The following REG1A variants were observed in gnomAD, a reference collection of about 807,000 sequenced individuals.
REG1A encodes regenerating family member 1 alpha.
A neutral mutation model predicts 20.7 loss-of-function variants in REG1A; 20 were observed. The observed-to-expected ratio is 0.97, with a 90% CI of 0.68 to 1.41. The LOEUF is 1.41. Among genes scored for constraint, REG1A ranks in the 40% most tolerant of loss-of-function variants. REG1A has a pLI of 0.00. For synonymous variants in REG1A, 90 were observed against 71.6 expected (o/e 1.26, Z -1.30); for missense variants, 193 against 201.8 (o/e 0.96, Z 0.26).
Position 79,120,853 on chromosome 2 carries a change from C to T in REG1A, c.-9C>T, listed in dbSNP as rs778995549. ...TGCCTCTTAAGCAAGAGATTCATTG[C>T]AGCTCAGCATGGCTCAGACCAGCTC... On this transcript the variant is annotated 5_prime_UTR_variant, in exon 2 of 6. Transcript: ENST00000233735. The T allele has an allele frequency of 6.3e-7, 1 of 1,599,790 alleles. No homozygotes were observed. The highest frequency in any genetic ancestry group is 8.5e-7 in the Non-Finnish European group (1 of 1,170,710).
At chr2:79,121,942 T>G (rs1441966517) in intron 3 of REG1A, 46 bp from the exon 4 acceptor site, 3 of 1,607,268 alleles carry the variant, frequency 1.9e-6, no homozygotes, top group Non-Finnish European at 2.5e-6. Flanking sequence ...AGTATATCCG[T>G]CACAACTTCC....
intron 4 of REG1A, 140 bp downstream of exon 4, chr2:79,122,265 C>G: frequency 2.4e-6 from 2 of 825,718 alleles, no homozygotes; most frequent in Non-Finnish European, 3.7e-6. Context: ...TCCTGTGTAG[C>G]AAGGTGCACT....
intron 4 of REG1A, 140 bp downstream of exon 4, chr2:79,122,265 C>A: frequency 2.4e-6 from 2 of 825,716 alleles, no homozygotes; most frequent in Non-Finnish European, 3.7e-6. Flanking sequence ...TCCTGTGTAG[C>A]AAGGTGCACT....
At chr2:79,121,004 A>C in intron 2 of REG1A, 79 bp downstream of exon 2, 1 of 5,096 alleles carries the variant, frequency 2.0e-4, no homozygotes, top group Non-Finnish European at 2.9e-4. Flanking sequence ...GGTCTACTTG[A>C]AAAAAAAAAA....
In REG1A at chr2:79,122,941, C is replaced by T. The variant is rs760036962; in HGVS notation, c.422C>T (p.Thr141Ile). Residue 141 changes from threonine (T) to isoleucine (I), a missense_variant, in exon 5 of 6, where the codon ACC (threonine) becomes ATC (isoleucine). Coordinates refer to ENST00000233735, the MANE Select transcript of REG1A (RefSeq NM_002909.5). ...AATCCTGGCTACTGTGTGAGCCTGA[C>T]CTCAAGCACAGGTGAGAGGCAGAGA... is the stretch of plus-strand genomic sequence containing the variant. ...SVNPGYCVSL[T>I]SSTGFQKWKD... The T allele has an allele frequency of 1.5e-5, 25 of 1,613,308 alleles. No homozygotes were observed. The African/African-American group carries it at 2.7e-4, about 17-fold the overall frequency.
intron 2 of REG1A, among the ~76,000 whole-genome samples, 181 bp from the exon 3 acceptor site, chr2:79,121,381 T>G: frequency 6.6e-6 from 1 of 152,300 alleles, no homozygotes; most frequent in Middle Eastern, 3.4e-3. Context: ...CATTCTGTTT[T>G]TTTTCCCCTG....
In REG1A at chr2:79,120,804, G is replaced by C. The variant is rs1572940866; in HGVS notation, c.-46-12G>C. On this transcript the variant is annotated splice_polypyrimidine_tract_variant and intron_variant, in intron 1 of 5. Coordinates refer to ENST00000233735, the MANE Select transcript of REG1A (RefSeq NM_002909.5). ...CATCTCTCAGAACCCCCTTCTCTGT[G>C]TTCTCCTATAGAGATTGTTGATTTG... 5.8e-6 allele frequency: 8 copies of C among 1,373,338 alleles called. No individual in the cohort carries two copies. The East Asian group carries it at 1.9e-4, about 33-fold the overall frequency. 85.1% of individuals were successfully genotyped at this position (1,373,338 alleles called of 1,614,324 possible).
At chr2:79,122,254 G>A (rs1672898690) in intron 4 of REG1A, 129 bp downstream of exon 4, 1 of 938,314 alleles carries the variant, frequency 1.1e-6, no homozygotes, top group Non-Finnish European at 1.6e-6. Context: ...ATCCTCTAAT[G>A]TCCTGTGTAG....
chr2:79,120,792 C>A, intron 1 of REG1A, 24 bp from the exon 2 acceptor site: 2 of 1,232,304 alleles, frequency 1.6e-6, no homozygotes, highest in Non-Finnish European at 2.3e-6. Flanking sequence ...CTCTCAGAAC[C>A]CCCTTCTCTG....
At chr2:79,122,492 A>G (rs1303916146) in intron 4 of REG1A, among the ~76,000 whole-genome samples, 1 of 152,138 alleles carries the variant, frequency 6.6e-6, no homozygotes, top group Admixed American at 6.6e-5. Context: ...GCATTTGGGA[A>G]CCTGGTAGTA....
Position 79,120,936 on chromosome 2 carries a change from T to C in REG1A, c.64+11T>C. On this transcript the variant is annotated intron_variant, in intron 2 of 5. Coordinates refer to ENST00000233735, the MANE Select transcript of REG1A (RefSeq NM_002909.5). ...TGTCTCAGAGCCAAGGTAAGATCTC[T>C]TTTCCACCAACCAACTCTTTCTAGC... 1 of 1,611,660 alleles carries C rather than the reference T, an allele frequency of 6.2e-7. No individual in the cohort carries two copies.
At position 79,123,375 on chromosome 2, in the gene REG1A, A is replaced by T. The variant is rs1672916964; in HGVS notation, c.*160A>T. 1.8e-6 allele frequency: 1 copy of T among 550,440 alleles called. No homozygotes were observed. 34.1% of individuals were successfully genotyped at this position (550,440 alleles called of 1,614,324 possible). ...TAGTTTTACCTACCCCAGTCTTTGG[A>T]ACCCTAAATAATAAAAATAAACATG... On this transcript the variant is annotated 3_prime_UTR_variant, in exon 6 of 6. Transcript: ENST00000233735.
At chr2:79,120,650 CAGTT>C in intron 1 of REG1A, 136 bp downstream of exon 1, 1 of 405,386 alleles carries the variant, frequency 2.5e-6, no homozygotes, top group Admixed American at 4.3e-5. Flanking sequence ...AGTTGTTTTT[CAGTT>C]ACTGAGTCTG....
chr2:79,121,603 T>G lies in REG1A; in HGVS notation c.106T>G (p.Cys36Gly). 6.2e-7 allele frequency: 1 copy of G among 1,614,122 alleles called. No homozygotes were observed. The highest frequency in any genetic ancestry group is 8.5e-7 in the Non-Finnish European group (1 of 1,180,008). Residue 36 changes from cysteine to glycine, a missense_variant, in exon 3 of 6, where the codon TGC becomes GGC. Coordinates refer to ENST00000233735, the MANE Select transcript of REG1A (RefSeq NM_002909.5). ...QTELPQARIS[C>G]PEGTNAYRSY... ...AGAGTTGCCCCAGGCCCGGATCAGC[T>G]GCCCAGAAGGCACCAATGCCTATCG...
intron 2 of REG1A, 47 bp from the exon 3 acceptor site, chr2:79,121,515 C>A: frequency 6.6e-7 from 1 of 1,518,024 alleles, no homozygotes; most frequent in Non-Finnish European, 9.2e-7. Flanking sequence ...ACCTTCAAGC[C>A]TTTTCCTTAC....
chr2:79,123,252 C>A lies in REG1A; in HGVS notation c.*37C>A, dbSNP rs1241448655. ...AAATACATGTCTAGAACTGATCCAG[C>A]AATTACAACGGAGTCAAAAATTAAA... On this transcript the variant is annotated 3_prime_UTR_variant, in exon 6 of 6. Coordinates refer to ENST00000233735, the MANE Select transcript of REG1A (RefSeq NM_002909.5). 1 of 1,369,392 alleles carries A rather than the reference C, an allele frequency of 7.3e-7. No homozygotes were observed. The highest frequency in any genetic ancestry group is 1.0e-6 in the Non-Finnish European group (1 of 972,232). The allele number at this position is 1,369,392 out of a possible 1,614,324, so 84.8% of individuals were successfully genotyped here. A position where few individuals can be genotyped will look rare whatever the true frequency, so the allele number is the denominator to read the frequency against.
Position 79,123,295 on chromosome 2 carries a change from C to A in REG1A, c.*80C>A. ...AAATTAAACCGGACCATCTCTCCAA[C>A]TCAACTCAACCTGGACACTCTCTTC... On this transcript the variant is annotated 3_prime_UTR_variant, in exon 6 of 6. Transcript: ENST00000233735. 1 of 855,190 alleles carries A rather than the reference C, an allele frequency of 1.2e-6. No individual in the cohort carries two copies. Among genetic ancestry groups the A allele is most frequent in the Non-Finnish European group, 1.9e-6 (1 of 529,060 alleles). The allele number at this position is 855,190 out of a possible 1,614,324, so 53.0% of individuals were successfully genotyped here.
chr2:79,120,826 T>A lies in REG1A; in HGVS notation c.-36T>A. The A allele has an allele frequency of 6.4e-7, 1 of 1,566,896 alleles. No individual in the cohort carries two copies. Among genetic ancestry groups the A allele is most frequent in the Non-Finnish European group, 8.7e-7 (1 of 1,144,724 alleles). On this transcript the variant is annotated 5_prime_UTR_variant, in exon 2 of 6. Transcript: ENST00000233735. ...TGTGTTCTCCTATAGAGATTGTTGATTTGCCTCTTAAGCAAGAGATTCATT... is the reference window on the plus strand; with the variant it reads ...TGTGTTCTCCTATAGAGATTGTTGAATTGCCTCTTAAGCAAGAGATTCATT...
In REG1A at chr2:79,123,303, A is replaced by T. The variant is rs974356457; in HGVS notation, c.*88A>T. The T allele has an allele frequency of 9.1e-6, 7 of 769,632 alleles. No homozygotes were observed. In the East Asian group the frequency reaches 1.8e-4, roughly 20 times the overall value. 47.7% of individuals were successfully genotyped at this position (769,632 alleles called of 1,614,324 possible). ...CCGGACCATCTCTCCAACTCAACTC[A>T]ACCTGGACACTCTCTTCTCTGCTGA... On this transcript the variant is annotated 3_prime_UTR_variant, in exon 6 of 6. Transcript: ENST00000233735.
Sources: allele counts gnomAD v4.1 joint callset (sites outside exome capture counted in the v4.1 genomes callset), GRCh38; gene constraint gnomAD v4.1.1; transcripts MANE v1.5; gene names NCBI Gene and HGNC (gene_info 2026-07-23, HGNC 2026-07-21).